The following EP400 variants were observed in gnomAD, a reference collection of about 807,000 sequenced individuals.
The protein encoded by EP400 is E1A binding protein p400.
Under a neutral mutation model 354.1 loss-of-function variants are expected in EP400, and 105 were observed. The ratio of observed to expected loss-of-function variants is 0.30; its 90% CI spans 0.25 to 0.35. The LOEUF (loss-of-function observed/expected upper bound fraction) is 0.35. Ranked by LOEUF, EP400 falls within the 10% of genes least tolerant of loss-of-function variation. The pLI, the probability that EP400 is intolerant of heterozygous loss-of-function variation, is 1.00. For synonymous variants in EP400, 1,646 were observed against 1,716.9 expected (o/e 0.96, Z 1.02); for missense variants, 3,280 against 4,121.0 (o/e 0.80, Z 5.59).
intron 24 of EP400, among the ~76,000 whole-genome samples, chr12:132,024,840 C>CCACCTTCCCT (rs1894247998): frequency 6.6e-6 from 1 of 151,676 alleles, no homozygotes; most frequent in African/African-American, 2.4e-5. Context: ...GCACCTTCCC[C>CCACCTTCCCT]CACCTTCCCT....
rs1894977024 is a variant in EP400 at position 132,043,294 on chromosome 12, C to G, written c.6208-10C>G. 1.2e-6 allele frequency: 2 copies of G among 1,602,802 alleles called. No homozygotes were observed. Among genetic ancestry groups the G allele is most frequent in the African/African-American group, 1.3e-5 (1 of 74,424 alleles). On this transcript the variant is annotated splice_polypyrimidine_tract_variant and intron_variant, in intron 32 of 52. Coordinates refer to ENST00000389561, the MANE Select transcript of EP400 (RefSeq NM_015409.5). The stretch of plus-strand genomic sequence containing the variant: ...TCTATCAAGGCAATCTAAACATAGA[C>G]TTTCCTCAGGCCCTCAAGAGTATTG...
At chr12:131,973,071 C>T (rs1892353498) in intron 2 of EP400, among the ~76,000 whole-genome samples, 1 of 152,170 alleles carries the variant, frequency 6.6e-6, no homozygotes, top group South Asian at 2.1e-4. Flanking sequence ...CCAGTTGAAA[C>T]AAATGAATTT....
chr12:132,063,953 G>T (rs1454714687), intron 47 of EP400, among the ~76,000 whole-genome samples: 1 of 151,952 alleles, frequency 6.6e-6, no homozygotes, highest in Non-Finnish European at 1.5e-5. Flanking sequence ...GGGAGTCAGA[G>T]CCGGGCTTTG....
intron 3 of EP400, 55 bp from the exon 4 acceptor site, chr12:131,981,434 A>G (rs1215138160): frequency 2.2e-6 from 3 of 1,389,008 alleles, no homozygotes; most frequent in East Asian, 2.5e-5. Context: ...TTTTTCTACT[A>G]CTTCTCTGGT....
chr12:131,969,933 C>T (rs117347776), intron 2 of EP400, among the ~76,000 whole-genome samples: 1,932 of 152,176 alleles, frequency 0.013, 28 homozygotes, highest in East Asian at 0.04. Context: ...TCTGTAGTCC[C>T]AACTACTCAG....
chr12:131,960,567 T>A lies in EP400; in HGVS notation c.-35-18T>A. The stretch of plus-strand genomic sequence containing the variant: ...TATGTGTGCCTTCAAGTGACTTGAT[T>A]TTAATTTTAATTTTTAGGAGAACGA... On this transcript the variant is annotated intron_variant, in intron 1 of 52. Transcript: ENST00000389561. The A allele has an allele frequency of 6.6e-7, 1 of 1,521,298 alleles. No homozygotes were observed. The highest frequency in any genetic ancestry group is 8.8e-7 in the Non-Finnish European group (1 of 1,130,744). 94.2% of individuals were successfully genotyped at this position (1,521,298 alleles called of 1,614,324 possible). A position where few individuals can be genotyped will look rare whatever the true frequency, so the allele number is the denominator to read the frequency against.
chr12:131,982,206 C>T lies in EP400; in HGVS notation c.1657C>T (p.Pro553Ser). The stretch of plus-strand genomic sequence containing the variant: ...GCAGAACGCTGCCAGCTTGCACACC[C>T]CACTGCCGCAGCTGCCCGGGAGGCT... ...PVQNAASLHTPLPQLPGRLPP... is the reference protein window; with the variant it reads ...PVQNAASLHTSLPQLPGRLPP... The change falls in exon 5 of 53, where the codon CCA becomes TCA. Residue 553 changes from proline to serine, a missense_variant. Physicochemically the swap from Pro to Ser is moderately conservative, Grantham distance 74 (BLOSUM62 -1). Coordinates refer to ENST00000389561, the MANE Select transcript of EP400 (RefSeq NM_015409.5). 6.2e-7 allele frequency: 1 copy of T among 1,613,856 alleles called. No homozygotes were observed. The highest frequency in any genetic ancestry group is 8.5e-7 in the Non-Finnish European group (1 of 1,179,934).
At chr12:132,060,951 A>G (rs947312997) in intron 45 of EP400, among the ~76,000 whole-genome samples, 3 of 150,394 alleles carry the variant, frequency 2.0e-5, no homozygotes, top group Admixed American at 6.6e-5. Flanking sequence ...ACAAAACAAA[A>G]AAAAACAAGG....
intron 41 of EP400, chr12:132,051,044 A>G (rs768614519): frequency 4.7e-5 from 14 of 300,366 alleles, no homozygotes; most frequent in Non-Finnish European, 8.2e-5. Flanking sequence ...ACCTGCCCTG[A>G]AGTTATACAG....
At chr12:132,034,492 G>A (rs1241603903) in intron 30 of EP400, among the ~76,000 whole-genome samples, 1 of 152,228 alleles carries the variant, frequency 6.6e-6, no homozygotes, top group Non-Finnish European at 1.5e-5. Flanking sequence ...GGGTAAGGTG[G>A]TGCCAATGTG....
chr12:131,998,422 C>T (rs530724209), intron 12 of EP400, among the ~76,000 whole-genome samples: 2 of 152,186 alleles, frequency 1.3e-5, no homozygotes, highest in East Asian at 1.9e-4. Context: ...ATATAGTTCT[C>T]CCCTTCACTT....
rs1894754806 is a variant in EP400 at position 132,037,405 on chromosome 12, G to A, written c.5952-277G>A. 2.6e-5 allele frequency among the ~76,000 whole-genome samples: 4 copies of A among 152,186 alleles called. No homozygotes were observed. The South Asian group carries it at 8.3e-4, about 31-fold the overall frequency. On this transcript the variant is annotated intron_variant, in intron 30 of 52. Transcript: ENST00000389561. ...ACCAGGTGGGACATTTCCAGGTTGA[G>A]ACTGGTGGGAGAAAAACGGGATGGC... is the stretch of plus-strand genomic sequence containing the variant.
intron 12 of EP400, among the ~76,000 whole-genome samples, chr12:132,002,974 A>G (rs980415766): frequency 1.3e-5 from 2 of 152,194 alleles, no homozygotes; most frequent in Admixed American, 6.5e-5. Flanking sequence ...CTTCATGTCC[A>G]TGGGTTTCAA....
chr12:132,042,542 G>A (rs377331892), intron 32 of EP400, among the ~76,000 whole-genome samples: 17 of 152,150 alleles, frequency 1.1e-4, no homozygotes, highest in Admixed American at 9.2e-4. Flanking sequence ...TGCTATTTAG[G>A]TGCACCACCT....
intron 39 of EP400, among the ~76,000 whole-genome samples, chr12:132,046,898 G>C (rs1895116079): frequency 6.6e-6 from 1 of 152,344 alleles, no homozygotes; most frequent in South Asian, 2.1e-4. Flanking sequence ...CTGGCGTGTG[G>C]GGACCACCGC....
intron 11 of EP400, among the ~76,000 whole-genome samples, chr12:131,993,708 C>G (rs1893116711): frequency 6.6e-6 from 1 of 152,186 alleles, no homozygotes; most frequent in African/African-American, 2.4e-5. Flanking sequence ...CAAACCTGCA[C>G]ACAGGTGACT....
At position 132,062,304 on chromosome 12, in the gene EP400, GGTGCCCCAA is replaced by G. The variant is rs1895721653; in HGVS notation, c.8083_8091del (p.Pro2695_Val2697del). ...CAGTGCAGACCCCGGCACGGTCTTT[GGTGCCCCAA>G]GTGTCCCAAGGTAAAGCCAGGCTGG... On this transcript the variant is annotated inframe_deletion, in exon 46 of 53. Coordinates refer to ENST00000389561, the MANE Select transcript of EP400 (RefSeq NM_015409.5). 1 of 1,614,060 alleles carries G rather than the reference GGTGCCCCAA, an allele frequency of 6.2e-7. No homozygotes were observed.
chr12:131,993,726 A>T (rs1893117455), intron 11 of EP400, among the ~76,000 whole-genome samples: 1 of 152,212 alleles, frequency 6.6e-6, no homozygotes, highest in Admixed American at 6.5e-5. Flanking sequence ...ACTCTCCTGA[A>T]TCCTGTGGGT....
rs537271761 is a variant in EP400 at position 131,999,650 on chromosome 12, G to C, written c.2827+4694G>C. Among the ~76,000 whole-genome samples, 11 of 152,168 alleles carry C rather than the reference G, an allele frequency of 7.2e-5. No homozygotes were observed. The South Asian group carries it at 2.3e-3, about 32-fold the overall frequency. ...GATAGGGTTTTACCGTGTTGCCCAG[G>C]CTGGTCTCCAACTCCTGACCTCAGG... On this transcript the variant is annotated intron_variant, in intron 12 of 52. Coordinates refer to ENST00000389561, the MANE Select transcript of EP400 (RefSeq NM_015409.5).
Sources: gnomAD v4.1 joint callset for allele counts (sites outside exome capture counted in the v4.1 genomes callset) on GRCh38, gnomAD v4.1.1 for gene constraint, MANE v1.5 for transcripts, NCBI Gene and HGNC (gene_info 2026-07-23, HGNC 2026-07-21) for gene names.